Variants in CELF4 observed in about 807,000 individuals in gnomAD.
CELF4 encodes the protein CUG-BP- and ETR-3-like factor 4.
CELF4 carries 18 observed loss-of-function variants against 59.9 expected under a neutral mutation model. That is an observed-to-expected ratio of 0.30 (90% CI 0.21 to 0.45). CELF4 has a LOEUF of 0.45. Ranked by LOEUF, CELF4 falls within the 20% of genes least tolerant of loss-of-function variation. The pLI is 1.00. For synonymous variants in CELF4, 261 were observed against 267.1 expected (o/e 0.98, Z 0.22); for missense variants, 456 against 689.0 (o/e 0.66, Z 3.79).
chr18:37,384,806 C>A (rs758360016), intron 2 of CELF4, among the ~76,000 whole-genome samples: 5 of 152,220 alleles, frequency 3.3e-5, no homozygotes, highest in Non-Finnish European at 7.3e-5. Context: ...CCTGCTTTAT[C>A]TGCTCCTTCT....
chr18:37,308,253 C>T (rs1424337841), intron 3 of CELF4, among the ~76,000 whole-genome samples: 1 of 152,198 alleles, frequency 6.6e-6, no homozygotes, highest in African/African-American at 2.4e-5. Flanking sequence ...CCATCATCTT[C>T]TGGAACTGCC....
chr18:37,426,695 T>C (rs1197882085), intron 2 of CELF4, among the ~76,000 whole-genome samples: 1 of 152,184 alleles, frequency 6.6e-6, no homozygotes, highest in East Asian at 1.9e-4. Flanking sequence ...CGGGGCAGCC[T>C]GCCCAGGCGG....
At chr18:37,387,450 C>T (rs913781843) in intron 2 of CELF4, among the ~76,000 whole-genome samples, 5 of 152,196 alleles carry the variant, frequency 3.3e-5, no homozygotes, top group African/African-American at 4.8e-5. Flanking sequence ...CCTCTTCTCA[C>T]GGGAGGCTGT....
At chr18:37,430,884 G>A (rs2099645240) in intron 2 of CELF4, among the ~76,000 whole-genome samples, 1 of 152,218 alleles carries the variant, frequency 6.6e-6, no homozygotes, top group Admixed American at 6.5e-5. Flanking sequence ...TTGGTCTGGA[G>A]GTGGCGCTGG....
chr18:37,448,746 G>A (rs1048635627), intron 2 of CELF4, among the ~76,000 whole-genome samples: 3 of 152,202 alleles, frequency 2.0e-5, no homozygotes, highest in East Asian at 3.9e-4. Flanking sequence ...CAGACTCTGC[G>A]CTTCCCAAGA....
intron 1 of CELF4, among the ~76,000 whole-genome samples, chr18:37,564,048 C>T (rs1315399838): frequency 6.6e-6 from 1 of 152,164 alleles, no homozygotes; most frequent in African/African-American, 2.4e-5. Flanking sequence ...TGAGGCTGCT[C>T]TCTATGTGGG....
intron 1 of CELF4, among the ~76,000 whole-genome samples, chr18:37,511,938 G>T (rs1182337312): frequency 1.3e-5 from 2 of 152,068 alleles, no homozygotes; most frequent in South Asian, 4.2e-4. Flanking sequence ...AGCGGCTGGG[G>T]CTGGGGGTGG....
At chr18:37,282,555 A>G (rs1054969232) in intron 3 of CELF4, among the ~76,000 whole-genome samples, 17 of 152,148 alleles carry the variant, frequency 1.1e-4, no homozygotes, top group Admixed American at 4.6e-4. Flanking sequence ...CCCCTTTGCC[A>G]GCCCTTGTAG....
chr18:37,257,496 C>T (rs142476298), intron 11 of CELF4, among the ~76,000 whole-genome samples: 300 of 152,302 alleles, frequency 2.0e-3, no homozygotes, highest in Non-Finnish European at 3.5e-3. Flanking sequence ...TGAAAGACCA[C>T]AAGTTTCCTG....
At chr18:37,256,845 A>G (rs957643744) in intron 11 of CELF4, among the ~76,000 whole-genome samples, 28 of 152,188 alleles carry the variant, frequency 1.8e-4, no homozygotes, top group Non-Finnish European at 3.8e-4. Flanking sequence ...TCAGCCTCCC[A>G]AAGTGCTGGG....
intron 2 of CELF4, among the ~76,000 whole-genome samples, chr18:37,329,802 C>T (rs529035483): frequency 1.3e-5 from 2 of 152,344 alleles, no homozygotes; most frequent in East Asian, 1.9e-4. Flanking sequence ...CTGCAGAGCA[C>T]GAAACCCAAG....
chr18:37,538,962 G>A (rs915893477), intron 1 of CELF4, among the ~76,000 whole-genome samples: 1 of 152,120 alleles, frequency 6.6e-6, no homozygotes, highest in African/African-American at 2.4e-5. Context: ...TTCCCTGGCC[G>A]GTGGGGACCC....
At chr18:37,461,636 G>A (rs1569569495) in intron 2 of CELF4, among the ~76,000 whole-genome samples, 1 of 152,228 alleles carries the variant, frequency 6.6e-6, no homozygotes, top group African/African-American at 2.4e-5. Flanking sequence ...TTTAGTGCTG[G>A]TGAAAGGAGG....
chr18:37,358,928 C>A (rs2098653078), intron 2 of CELF4, among the ~76,000 whole-genome samples: 1 of 152,042 alleles, frequency 6.6e-6, no homozygotes, highest in South Asian at 2.1e-4. Flanking sequence ...ATGGTGAAAC[C>A]CCATCTCTAC....
At chr18:37,359,829 G>A (rs2098672686) in intron 2 of CELF4, among the ~76,000 whole-genome samples, 1 of 151,678 alleles carries the variant, frequency 6.6e-6, no homozygotes, top group Non-Finnish European at 1.5e-5. Flanking sequence ...TTACAGGCAT[G>A]AGTCACCATG....
At chr18:37,444,590 GCTCTCT>G (rs892764323) in intron 2 of CELF4, among the ~76,000 whole-genome samples, 1 of 136,328 alleles carries the variant, frequency 7.3e-6, no homozygotes, top group Non-Finnish European at 1.6e-5. Context: ...AGAGAAACAT[GCTCTCT>G]CTCTCTCTCT....
At chr18:37,357,538 G>A (rs1212274942) in intron 2 of CELF4, among the ~76,000 whole-genome samples, 1 of 152,236 alleles carries the variant, frequency 6.6e-6, no homozygotes, top group Non-Finnish European at 1.5e-5. Flanking sequence ...GAAGGGAAAT[G>A]TGGAGTCGGA....
At chr18:37,320,742 G>A (rs1221714057) in intron 3 of CELF4, among the ~76,000 whole-genome samples, 3 of 152,170 alleles carry the variant, frequency 2.0e-5, no homozygotes, top group Admixed American at 2.0e-4. Flanking sequence ...TGTGAGTGCC[G>A]GGGACTAGTG....
chr18:37,419,062 T>A (rs955558424), intron 2 of CELF4, among the ~76,000 whole-genome samples: 3 of 152,104 alleles, frequency 2.0e-5, no homozygotes, highest in African/African-American at 7.2e-5. Context: ...TGTCCAACAG[T>A]GAACTCATAG....
Sources: allele counts gnomAD v4.1 joint callset (sites outside exome capture counted in the v4.1 genomes callset), GRCh38; gene constraint gnomAD v4.1.1; transcripts MANE v1.5; gene names NCBI Gene and HGNC (gene_info 2026-07-23, HGNC 2026-07-21).